The following RBKS variants were observed in gnomAD, a reference collection of about 807,000 sequenced individuals.
RBKS encodes ribokinase.
Under a neutral mutation model 33.9 loss-of-function variants are expected in RBKS, and 33 were observed. That is an observed-to-expected ratio of 0.97 (90% CI 0.74 to 1.30). The LOEUF (loss-of-function observed/expected upper bound fraction) is 1.30, where lower values mean the gene tolerates loss of function less well. RBKS is among the 50% of genes most tolerant of loss of function. RBKS has a pLI of 0.00. For missense variants in RBKS, 361 were observed against 392.6 expected (o/e 0.92, Z 0.68); for synonymous variants, 125 against 143.0 (o/e 0.87, Z 0.90).
Position 27,858,522 on chromosome 2 carries a change from A to G in RBKS, c.139T>C (p.Phe47Leu), listed in dbSNP as rs1172260804. 2.5e-6 allele frequency: 4 copies of G among 1,614,082 alleles called. No individual in the cohort carries two copies. Among genetic ancestry groups the G allele is most frequent in the Non-Finnish European group, 3.4e-6 (4 of 1,179,986 alleles). ...KTGETIHGHK[F>L]FIGFGGKGAN... is the part of the protein sequence containing the mutation. ...CCTTTCCCTCCAAAGCCAATAAAAAACTTATGTCCATGGATGGTTTCTCCA... is the reference window on the plus strand; with the variant it reads ...CCTTTCCCTCCAAAGCCAATAAAAAGCTTATGTCCATGGATGGTTTCTCCA... Residue 47 changes from phenylalanine to leucine, a missense_variant, in exon 2 of 8, where the codon TTT becomes CTT. Transcript: ENST00000302188.
intron 7 of RBKS, among the ~76,000 whole-genome samples, chr2:27,818,502 G>A (rs1678140300): frequency 6.6e-6 from 1 of 152,126 alleles, no homozygotes; most frequent in Non-Finnish European, 1.5e-5. Context: ...TAGGCAGACC[G>A]ACCAACTTAA....
chr2:27,887,404 AT>A (rs1664557003), intron 1 of RBKS, among the ~76,000 whole-genome samples: 1 of 152,256 alleles, frequency 6.6e-6, no homozygotes, highest in Admixed American at 6.5e-5. Flanking sequence ...CAGTAAAAAA[AT>A]AAACTTGCGT....
intron 1 of RBKS, chr2:27,870,775 C>T: frequency 2.2e-6 from 1 of 464,892 alleles, no homozygotes. Flanking sequence ...TATACTCACA[C>T]AAAATGACCA....
rs144778531 is a variant in RBKS, at chr2:27,810,809, A to G, written c.795+16758T>C. On this transcript the variant is annotated intron_variant, in intron 7 of 7. Coordinates refer to ENST00000302188, the MANE Select transcript of RBKS (RefSeq NM_022128.3). This position sits in a 1 kb window ranked among gnomAD's most constrained non-coding sequence, Gnocchi z 4.4. ...ACCATCTCTCACCCAGATCAATACGACAGTCTCTGGACTGTTCTCCCTGAC... is the reference window on the plus strand; with the variant it reads ...ACCATCTCTCACCCAGATCAATACGGCAGTCTCTGGACTGTTCTCCCTGAC... Among the ~76,000 whole-genome samples, 16 of 152,224 alleles carry G rather than the reference A, an allele frequency of 1.1e-4. No individual in the cohort carries two copies. The East Asian group carries it at 3.1e-3, about 29-fold the overall frequency.
intron 7 of RBKS, among the ~76,000 whole-genome samples, chr2:27,799,222 A>G (rs1677727386): frequency 6.6e-6 from 1 of 152,202 alleles, no homozygotes; most frequent in Non-Finnish European, 1.5e-5. Flanking sequence ...ATGGGTATGA[A>G]GTGTAGCTGG....
At chr2:27,846,091 A>G (rs1474327604) in intron 4 of RBKS, among the ~76,000 whole-genome samples, 2 of 151,950 alleles carry the variant, frequency 1.3e-5, no homozygotes, top group Non-Finnish European at 2.9e-5. Context: ...CAGCCTCCTG[A>G]GTAGCTGAGA....
At chr2:27,857,946 G>A (rs545691567) in intron 2 of RBKS, among the ~76,000 whole-genome samples, 16 of 152,244 alleles carry the variant, frequency 1.1e-4, no homozygotes, top group African/African-American at 3.6e-4. Flanking sequence ...CCAAAAGGTG[G>A]AAACAGCCCA....
chr2:27,850,752 A>G (rs975280432), intron 2 of RBKS, among the ~76,000 whole-genome samples: 1 of 152,216 alleles, frequency 6.6e-6, no homozygotes, highest in Non-Finnish European at 1.5e-5. Flanking sequence ...AGTTTGGGAA[A>G]TTATGAATAA....
chr2:27,782,095 G>A (rs145880633), intron 7 of RBKS, among the ~76,000 whole-genome samples: 7 of 151,800 alleles, frequency 4.6e-5, no homozygotes, highest in South Asian at 2.1e-4. Flanking sequence ...ACATTTAATC[G>A]TCATATTTCC....
At chr2:27,869,830 G>C (rs1331381019) in intron 1 of RBKS, 3 of 152,694 alleles carry the variant, frequency 2.0e-5, no homozygotes, top group Non-Finnish European at 4.4e-5. Flanking sequence ...TGCTGTTACT[G>C]CAGAAAACTC....
chr2:27,856,222 C>G (rs1421255195), intron 2 of RBKS, among the ~76,000 whole-genome samples: 1 of 152,194 alleles, frequency 6.6e-6, no homozygotes, highest in East Asian at 1.9e-4. Flanking sequence ...GTTTTAGCTG[C>G]AGTCATGTTT....
rs1330509507 is a variant in RBKS at position 27,810,199 on chromosome 2, T to C, written c.795+17368A>G. Among the ~76,000 whole-genome samples the C allele has an allele frequency of 6.6e-6, 1 of 152,194 alleles. No individual in the cohort carries two copies. Among genetic ancestry groups the C allele is most frequent in the Admixed American group, 6.5e-5 (1 of 15,284 alleles). On this transcript the variant is annotated intron_variant, in intron 7 of 7. Coordinates refer to ENST00000302188, the MANE Select transcript of RBKS (RefSeq NM_022128.3). This position sits in a 1 kb window ranked among gnomAD's most constrained non-coding sequence, Gnocchi z 4.4. The stretch of plus-strand genomic sequence containing the variant: ...CCAAATTCGTCATATACTGGCTGAT[T>C]TGTCACTTTATCAGGGAAGGATGCA...
At chr2:27,867,125 T>C (rs1196257302) in intron 1 of RBKS, among the ~76,000 whole-genome samples, 1 of 151,748 alleles carries the variant, frequency 6.6e-6, no homozygotes, top group African/African-American at 2.4e-5. Flanking sequence ...AAATGCCTTT[T>C]TGCTAATTCC....
chr2:27,801,949 GGAAAA>G (rs1358232062), intron 7 of RBKS, among the ~76,000 whole-genome samples: 6 of 54,754 alleles, frequency 1.1e-4, no homozygotes, highest in African/African-American at 4.3e-4. Context: ...GAGTAGCTGG[GGAAAA>G]AAAAAAAAAA....
chr2:27,804,236 A>G (rs773138081), intron 7 of RBKS, among the ~76,000 whole-genome samples: 6 of 152,218 alleles, frequency 3.9e-5, no homozygotes, highest in African/African-American at 9.6e-5. Flanking sequence ...TAATATACAT[A>G]TAATACACCC....
intron 7 of RBKS, among the ~76,000 whole-genome samples, chr2:27,794,523 T>C (rs911803870): frequency 6.6e-5 from 10 of 151,682 alleles, no homozygotes; most frequent in Non-Finnish European, 1.3e-4. Context: ...CACTTGGGAA[T>C]ACCCACCTCA....
In RBKS at chr2:27,827,588, T is replaced by A; in HGVS notation, c.774A>T (p.Lys258Asn). 6.3e-7 allele frequency: 1 copy of A among 1,595,602 alleles called. No homozygotes were observed. Among genetic ancestry groups the A allele is most frequent in the Non-Finnish European group, 8.5e-7 (1 of 1,173,638 alleles). ...EPEPKHIPTE[K>N]VKAVDTTGAG... ...TTACCGTGGTATCCACAGCCTTGACTTTCTCTGTGGGAATGTGCTTTGGCT... is the reference window on the plus strand; with the variant it reads ...TTACCGTGGTATCCACAGCCTTGACATTCTCTGTGGGAATGTGCTTTGGCT... Residue 258 changes from lysine to asparagine, a missense_variant, in exon 7 of 8, where the codon AAA becomes AAT. Physicochemically the swap from Lys to Asn is moderately conservative, Grantham distance 94. Transcript: ENST00000302188.
intron 7 of RBKS, among the ~76,000 whole-genome samples, chr2:27,814,512 T>A (rs1416716638): frequency 6.6e-6 from 1 of 152,166 alleles, no homozygotes; most frequent in East Asian, 1.9e-4. Context: ...AATAAATGTA[T>A]GTATTTAATG....
rs1468947581 is a variant in RBKS at position 27,781,573 on chromosome 2, A to C, written c.*42T>G. Reference sequence around the variant, plus strand: ...TAGCCAGGAGCAGCCACCCCCAAGTACATTTTATTCCCAGGTATATTTATT... The same window carrying C: ...TAGCCAGGAGCAGCCACCCCCAAGTCCATTTTATTCCCAGGTATATTTATT... On this transcript the variant is annotated 3_prime_UTR_variant, in exon 8 of 8. Coordinates refer to ENST00000302188, the MANE Select transcript of RBKS (RefSeq NM_022128.3). The C allele has an allele frequency of 6.6e-7, 1 of 1,520,742 alleles. No individual in the cohort carries two copies. Among genetic ancestry groups the C allele is most frequent in the South Asian group, 1.2e-5 (1 of 80,130 alleles). 94.2% of individuals were successfully genotyped at this position (1,520,742 alleles called of 1,614,324 possible). A position where few individuals can be genotyped will look rare whatever the true frequency, so the allele number is the denominator to read the frequency against.
Sources: allele counts gnomAD v4.1 joint callset (sites outside exome capture counted in the v4.1 genomes callset), GRCh38; gene constraint gnomAD v4.1.1; non-coding constraint Gnocchi (gnomAD v3.1); transcripts MANE v1.5; gene names NCBI Gene and HGNC (gene_info 2026-07-23, HGNC 2026-07-21).